Variants in AGBL1 observed in about 807,000 individuals in gnomAD.
AGBL1 encodes cytosolic carboxypeptidase 4.
A neutral mutation model predicts 118.9 loss-of-function variants in AGBL1; 130 were observed. The observed-to-expected ratio is 1.09, with a 90% CI of 0.95 to 1.26. AGBL1 has a LOEUF of 1.26. AGBL1 is among the 50% of genes most tolerant of loss of function. The probability of loss-of-function intolerance (pLI) is 0.00; values close to 1 mark genes in which losing one functional copy is unlikely to be tolerated. For missense variants in AGBL1, 1,584 were observed against 1,298.1 expected (o/e 1.22, Z -3.38); for synonymous variants, 555 against 478.9 (o/e 1.16, Z -2.08).
At chr15:86,384,217 C>G (rs2081151390) in intron 17 of AGBL1, among the ~76,000 whole-genome samples, 1 of 152,144 alleles carries the variant, frequency 6.6e-6, no homozygotes, top group Non-Finnish European at 1.5e-5. Context: ...CAGGAGCTTT[C>G]ATGAGAACTC....
At chr15:86,092,686 C>T (rs146638169) in intron 1 of AGBL1, among the ~76,000 whole-genome samples, 1,771 of 152,066 alleles carry the variant, frequency 0.012, 13 homozygotes, top group East Asian at 0.023. Flanking sequence ...GTTCTAGAGC[C>T]TGGGAATTCC....
At chr15:86,298,934 T>C (rs1308408367) in intron 17 of AGBL1, among the ~76,000 whole-genome samples, 1 of 152,020 alleles carries the variant, frequency 6.6e-6, no homozygotes, top group Admixed American at 6.5e-5. Context: ...TTACTTTTAG[T>C]TCCTCCCAGG....
chr15:86,081,456 A>G (rs1895280232), intron 1 of AGBL1, among the ~76,000 whole-genome samples: 1 of 152,212 alleles, frequency 6.6e-6, no homozygotes, highest in African/African-American at 2.4e-5. Flanking sequence ...AGGCTCCTTG[A>G]TGTCAAATGG....
intron 21 of AGBL1, chr15:86,556,237 G>A (rs1330656879): frequency 1.2e-6 from 2 of 1,613,094 alleles, no homozygotes; most frequent in African/African-American, 1.3e-5. Context: ...CACAGAGGCT[G>A]TTGGAGAGGA....
At chr15:86,570,051 A>G (rs1338657351) in intron 21 of AGBL1, among the ~76,000 whole-genome samples, 1 of 152,212 alleles carries the variant, frequency 6.6e-6, no homozygotes, top group Non-Finnish European at 1.5e-5. Context: ...CCAGAGTTTT[A>G]TTTATCTTGT....
chr15:86,362,070 A>G (rs1663675482), intron 17 of AGBL1, among the ~76,000 whole-genome samples: 1 of 151,960 alleles, frequency 6.6e-6, no homozygotes, highest in Non-Finnish European at 1.5e-5. Flanking sequence ...GTATGCTTTG[A>G]GTCCTTTCTT....
chr15:86,210,491 T>G (rs1162988209), intron 5 of AGBL1, among the ~76,000 whole-genome samples: 1 of 152,200 alleles, frequency 6.6e-6, no homozygotes, highest in Non-Finnish European at 1.5e-5. Flanking sequence ...AGTCCCATAT[T>G]TCTTGGAGGC....
rs1025184830 is a variant in AGBL1 at position 86,593,498 on chromosome 15, G to A, written c.2994+38961G>A. Among the ~76,000 whole-genome samples the A allele has an allele frequency of 5.3e-5, 8 of 152,080 alleles. No homozygotes were observed. The East Asian group carries it at 1.5e-3, about 29-fold the overall frequency. On this transcript the variant is annotated intron_variant, in intron 21 of 22. Coordinates refer to ENST00000614907, the MANE Select transcript of AGBL1 (RefSeq NM_001386094.1). ...TTTTCTGTTTTTCATATTTTTAAAT[G>A]TCTTCTTCAACAGCTGGGAATTGAG...
intron 18 of AGBL1, among the ~76,000 whole-genome samples, chr15:86,432,122 G>A: frequency 6.6e-6 from 1 of 152,132 alleles, no homozygotes; most frequent in East Asian, 1.9e-4. Context: ...TGGCATAAGG[G>A]CTTGAGTCCA....
At chr15:86,892,723 A>G (rs1371342254) in intron 22 of AGBL1, among the ~76,000 whole-genome samples, 1 of 152,268 alleles carries the variant, frequency 6.6e-6, no homozygotes, top group East Asian at 1.9e-4. Context: ...TTCTCTATAC[A>G]TAGAAAATGC....
intron 22 of AGBL1, among the ~76,000 whole-genome samples, chr15:86,741,630 A>G (rs139337784): frequency 1.3e-5 from 2 of 152,178 alleles, no homozygotes; most frequent in African/African-American, 4.8e-5. Flanking sequence ...TCAAACAGCA[A>G]TGAGAAAGGA....
intron 24 of AGBL1, among the ~76,000 whole-genome samples, chr15:86,988,996 C>CTTTTTTT: frequency 8.7e-6 from 1 of 114,358 alleles, no homozygotes; most frequent in Non-Finnish European, 1.8e-5. Context: ...TTTCCCCCTG[C>CTTTTTTT]TTTTTTTTTT....
intron 17 of AGBL1, among the ~76,000 whole-genome samples, chr15:86,300,976 G>GA (rs1407045792): frequency 6.6e-6 from 1 of 152,088 alleles, no homozygotes; most frequent in Admixed American, 6.6e-5. Flanking sequence ...GAAAGGAGTG[G>GA]AAAAATACAC....
At chr15:86,274,079 T>C (rs528131741) in intron 15 of AGBL1, among the ~76,000 whole-genome samples, 5 of 152,300 alleles carry the variant, frequency 3.3e-5, no homozygotes, top group African/African-American at 1.2e-4. Flanking sequence ...TATGCATTAC[T>C]ATACTAATAT....
intron 6 of AGBL1, among the ~76,000 whole-genome samples, chr15:86,244,271 C>A (rs1264986853): frequency 6.6e-6 from 1 of 151,990 alleles, no homozygotes; most frequent in Non-Finnish European, 1.5e-5. Flanking sequence ...CTAAGTCCAC[C>A]CAGAGCAGTA....
intron 1 of AGBL1, among the ~76,000 whole-genome samples, chr15:86,095,864 A>T (rs1896347314): frequency 6.6e-6 from 1 of 151,918 alleles, no homozygotes; most frequent in East Asian, 1.9e-4. Flanking sequence ...TTTGCTATTA[A>T]TTGGCTATGT....
At chr15:86,795,332 G>A (rs2078554093) in intron 22 of AGBL1, among the ~76,000 whole-genome samples, 1 of 152,082 alleles carries the variant, frequency 6.6e-6, no homozygotes, top group Non-Finnish European at 1.5e-5. Context: ...CTTTTATAAA[G>A]CCTTCTGGGA....
chr15:86,658,474 A>G (rs1304143739), intron 21 of AGBL1, among the ~76,000 whole-genome samples: 1 of 152,140 alleles, frequency 6.6e-6, no homozygotes, highest in Non-Finnish European at 1.5e-5. Context: ...GGTCTGCTTT[A>G]TTTTGATTCT....
intron 21 of AGBL1, among the ~76,000 whole-genome samples, chr15:86,609,977 G>T (rs892953084): frequency 4.6e-5 from 7 of 152,128 alleles, no homozygotes; most frequent in African/African-American, 1.7e-4. Flanking sequence ...CACACCACTT[G>T]TGCAAGTTCA....
Sources: gnomAD v4.1 joint callset for allele counts (sites outside exome capture counted in the v4.1 genomes callset) on GRCh38, gnomAD v4.1.1 for gene constraint, MANE v1.5 for transcripts, NCBI Gene and HGNC (gene_info 2026-07-23, HGNC 2026-07-21) for gene names.